CSMD3: variants seen among roughly 807,000 people sequenced by gnomAD.
CSMD3 encodes CUB and sushi domain-containing protein 3.
Under a neutral mutation model 435.2 loss-of-function variants are expected in CSMD3, and 177 were observed. The observed-to-expected ratio is 0.41, with a 90% CI of 0.36 to 0.46. The LOEUF is 0.46. Among genes scored for constraint, CSMD3 ranks in the 20% least tolerant of loss-of-function variants. The pLI is 0.34. For missense variants in CSMD3, 4,265 were observed against 4,504.6 expected (o/e 0.95, Z 1.52); for synonymous variants, 1,656 against 1,520.5 (o/e 1.09, Z -2.07).
chr8:112,339,683 T>G (rs113427832), intron 42 of CSMD3, among the ~76,000 whole-genome samples: 1 of 152,290 alleles, frequency 6.6e-6, no homozygotes, highest in East Asian at 1.9e-4. Context: ...TCAAACTGAT[T>G]CCTTCAGTAG....
intron 5 of CSMD3, among the ~76,000 whole-genome samples, chr8:113,077,637 A>T (rs1317006345): frequency 6.6e-6 from 1 of 152,052 alleles, no homozygotes; most frequent in East Asian, 1.9e-4. Context: ...TGGGAGGCAG[A>T]GGTTGCAGTG....
intron 12 of CSMD3, among the ~76,000 whole-genome samples, chr8:112,827,508 TATCTC>T (rs1247302175): frequency 6.6e-6 from 1 of 152,092 alleles, no homozygotes; most frequent in Non-Finnish European, 1.5e-5. Context: ...AAGGAAAAGA[TATCTC>T]ATCAAATACA....
At chr8:113,155,742 T>C (rs1470155978) in intron 4 of CSMD3, among the ~76,000 whole-genome samples, 2 of 152,078 alleles carry the variant, frequency 1.3e-5, no homozygotes, top group South Asian at 2.1e-4. Flanking sequence ...ACTAAGATCA[T>C]GTTGGTTCTG....
chr8:112,825,098 G>T (rs2079638567), intron 12 of CSMD3, among the ~76,000 whole-genome samples: 1 of 151,978 alleles, frequency 6.6e-6, no homozygotes, highest in Non-Finnish European at 1.5e-5. Context: ...GGTCAATTTG[G>T]CTATTGATAC....
intron 4 of CSMD3, among the ~76,000 whole-genome samples, chr8:113,158,458 A>C (rs572562291): frequency 6.6e-6 from 1 of 152,036 alleles, no homozygotes; most frequent in African/African-American, 2.4e-5. Context: ...CAAGATAATA[A>C]AATAAAATAG....
chr8:113,297,432 T>C (rs1424153979), intron 2 of CSMD3, among the ~76,000 whole-genome samples: 6 of 152,150 alleles, frequency 3.9e-5, no homozygotes, highest in African/African-American at 9.6e-5. Flanking sequence ...CCACGAGAAC[T>C]GAAATATGAA....
rs1281708497 is a variant in CSMD3, at chr8:113,014,647, G to A, written c.1030+4420C>T. On this transcript the variant is annotated intron_variant, in intron 6 of 70. Transcript: ENST00000297405. ...ACAAAGCAAAGTTTTCTGAAGTCCTGAAATATTACAACACATTATGAAAGC... is the reference window on the plus strand; with the variant it reads ...ACAAAGCAAAGTTTTCTGAAGTCCTAAAATATTACAACACATTATGAAAGC... 4.6e-5 allele frequency among the ~76,000 whole-genome samples: 7 copies of A among 152,092 alleles called. No individual in the cohort carries two copies. The East Asian group carries it at 1.4e-3, about 29-fold the overall frequency.
chr8:112,522,249 A>G (rs1017419906), intron 27 of CSMD3, among the ~76,000 whole-genome samples: 1 of 151,808 alleles, frequency 6.6e-6, no homozygotes, highest in Non-Finnish European at 1.5e-5. Flanking sequence ...AAGTAATGCA[A>G]TTTTCTAACT....
intron 38 of CSMD3, among the ~76,000 whole-genome samples, chr8:112,365,283 C>A (rs1231067085): frequency 6.6e-6 from 1 of 151,880 alleles, no homozygotes; most frequent in Non-Finnish European, 1.5e-5. Flanking sequence ...TTTTCTCAAC[C>A]TTTCCATTAA....
rs1283188027 is a variant in CSMD3, at chr8:112,273,211, A to AAATTGG, written c.9509-7627_9509-7622dup. On this transcript the variant is annotated intron_variant, in intron 59 of 70. Coordinates refer to ENST00000297405, the MANE Select transcript of CSMD3 (RefSeq NM_198123.2). Reference sequence around the variant, plus strand: ...ATGTTTATTTATTTTTATTTCACTAAAATTGGAAGACAGCTGTAAATAAAA... The same window carrying AAATTGG: ...ATGTTTATTTATTTTTATTTCACTAAAATTGGAATTGGAAGACAGCTGTAAATAAAA... 2.6e-5 allele frequency among the ~76,000 whole-genome samples: 4 copies of AAATTGG among 152,282 alleles called. No individual in the cohort carries two copies. In the East Asian group the frequency reaches 7.7e-4, roughly 29 times the overall value.
chr8:112,594,149 CAG>C (rs1230089328), intron 22 of CSMD3, among the ~76,000 whole-genome samples: 1 of 152,082 alleles, frequency 6.6e-6, no homozygotes, highest in Non-Finnish European at 1.5e-5. Context: ...GGGCACAGGT[CAG>C]TGGGTGCACG....
chr8:112,314,166 C>A (rs1015293956), intron 48 of CSMD3, 114 bp from the exon 49 acceptor site: 2 of 806,672 alleles, frequency 2.5e-6, no homozygotes, highest in South Asian at 1.6e-5. Context: ...CACCACCAAT[C>A]TACCTCATTA....
At chr8:112,356,605 C>T (rs1184372739) in intron 38 of CSMD3, among the ~76,000 whole-genome samples, 1 of 151,344 alleles carries the variant, frequency 6.6e-6, no homozygotes, top group Non-Finnish European at 1.5e-5. Flanking sequence ...GTGTCTCCTC[C>T]CACAACACGT....
chr8:113,412,067 A>T (rs2094562161), intron 1 of CSMD3, among the ~76,000 whole-genome samples: 1 of 152,228 alleles, frequency 6.6e-6, no homozygotes, highest in East Asian at 1.9e-4. Flanking sequence ...TGTCGCTATC[A>T]TGATTAAATG....
At chr8:113,093,079 G>A (rs892191985) in intron 5 of CSMD3, among the ~76,000 whole-genome samples, 4 of 152,048 alleles carry the variant, frequency 2.6e-5, no homozygotes, top group Admixed American at 2.0e-4. Context: ...AATAAGTATA[G>A]TGTGAAATGT....
intron 6 of CSMD3, among the ~76,000 whole-genome samples, chr8:112,993,962 T>C (rs1415359804): frequency 2.6e-5 from 4 of 151,856 alleles, no homozygotes; most frequent in African/African-American, 7.2e-5. Context: ...TAGAAATCTA[T>C]AGTGAAGTTT....
intron 13 of CSMD3, among the ~76,000 whole-genome samples, chr8:112,698,451 A>G (rs2076308277): frequency 7.9e-6 from 1 of 126,778 alleles, no homozygotes; most frequent in Non-Finnish European, 1.6e-5. Context: ...AAGTATATTG[A>G]GTACCCAGAT....
chr8:112,534,646 T>C (rs1329437718), intron 27 of CSMD3, among the ~76,000 whole-genome samples: 2 of 151,890 alleles, frequency 1.3e-5, no homozygotes, highest in Non-Finnish European at 2.9e-5. Context: ...TTCCAATCAA[T>C]AGAAAAAGAG....
chr8:112,783,424 GGGAAGGAA>G (rs1256764715), intron 13 of CSMD3, among the ~76,000 whole-genome samples: 922 of 56,866 alleles, frequency 0.016, 11 homozygotes, highest in Admixed American at 0.024. Context: ...GAGGGAGGGA[GGGAAGGAA>G]GGAAGGAAGG....
Sources: allele counts gnomAD v4.1 joint callset (sites outside exome capture counted in the v4.1 genomes callset), GRCh38; gene constraint gnomAD v4.1.1; transcripts MANE v1.5; gene names NCBI Gene and HGNC (gene_info 2026-07-23, HGNC 2026-07-21).